Variants in MIER2 observed in about 807,000 individuals in gnomAD.
The protein encoded by MIER2 is mesoderm induction early response protein 2.
Under a neutral mutation model 67.6 loss-of-function variants are expected in MIER2, and 30 were observed. That is an observed-to-expected ratio of 0.44 (90% CI 0.33 to 0.60). MIER2 has a LOEUF of 0.60. Among genes scored for constraint, MIER2 ranks in the 20% least tolerant of loss-of-function variants. The pLI is 0.02. For missense variants in MIER2, 702 were observed against 745.1 expected, an observed-to-expected ratio of 0.94 and a Z score of 0.67; for synonymous variants, 372 against 312.6, an observed-to-expected ratio of 1.19 and a Z score of -2.00.
intron 7 of MIER2, among the ~76,000 whole-genome samples, chr19:316,417 C>T (rs545505924): frequency 1.1e-4 from 17 of 152,006 alleles, no homozygotes; most frequent in Non-Finnish European, 2.2e-4. Flanking sequence ...CTCAGCCTCC[C>T]GAGTAGCTGG....
intron 10 of MIER2, among the ~76,000 whole-genome samples, chr19:310,700 C>T (rs12104341): frequency 0.026 from 3,701 of 144,828 alleles, 30 homozygotes; most frequent in African/African-American, 0.059. Context: ...TATAGAAACA[C>T]GGCCCGGAGC....
At chr19:321,615 G>T (rs893790348) in intron 7 of MIER2, among the ~76,000 whole-genome samples, 12 of 152,022 alleles carry the variant, frequency 7.9e-5, no homozygotes, top group Admixed American at 7.9e-4. Flanking sequence ...CTGCACTCCA[G>T]CCTGGGCAAC....
chr19:307,241 G>A lies in MIER2; in HGVS notation c.1494C>T (p.Ala498=). The change falls in exon 13 of 14, where the codon GCC becomes GCT. Residue 498 remains alanine, a synonymous_variant. Coordinates refer to ENST00000264819, the MANE Select transcript of MIER2 (RefSeq NM_017550.3). Reference sequence around the variant, plus strand: ...TGACCGACAAAGCCACCTGTGCTGGGGCCACAGTCTCCTCCGGATCCCCGC... The same window carrying A: ...TGACCGACAAAGCCACCTGTGCTGGAGCCACAGTCTCCTCCGGATCCCCGC... ...DLSGDPEETV[A]PAQVALSVTE... is the part of the protein sequence containing the mutation. 6.3e-7 allele frequency: 1 copy of A among 1,593,900 alleles called. No homozygotes were observed. The highest frequency in any genetic ancestry group is 8.5e-7 in the Non-Finnish European group (1 of 1,170,582).
intron 4 of MIER2, 65 bp from the exon 5 acceptor site, chr19:327,321 G>A (rs1971807743): frequency 2.3e-5 from 35 of 1,529,482 alleles, no homozygotes; most frequent in Middle Eastern, 3.6e-4. Flanking sequence ...TACCACTAAT[G>A]ATAACAACAG....
chr19:340,319 G>C (rs1031529561), intron 1 of MIER2, among the ~76,000 whole-genome samples: 2 of 152,142 alleles, frequency 1.3e-5, no homozygotes, highest in Admixed American at 6.5e-5. Flanking sequence ...CTCCACACAG[G>C]TGAAAACCCA....
rs368893378 is a variant in MIER2, at chr19:317,475, T to C, written c.656-3832A>G. Among the ~76,000 whole-genome samples, 1,188 of 151,320 alleles carry C rather than the reference T, an allele frequency of 7.9e-3. 6 individuals carry two copies. Among genetic ancestry groups the C allele is most frequent in the South Asian group, 0.019 (90 of 4,788 alleles). On this transcript the variant is annotated intron_variant, in intron 7 of 13. Coordinates refer to ENST00000264819, the MANE Select transcript of MIER2 (RefSeq NM_017550.3). ...CCGGGAGGCGGAGCTTGCAGTGAGC[T>C]GAGATCGCGCCACTGCACTCCAACC...
chr19:308,606 T>C lies in MIER2; in HGVS notation c.1169A>G (p.Glu390Gly). Reference protein sequence around the residue: ...DPDGPGRPRPEQDTLTGMRTD... With the variant: ...DPDGPGRPRPGQDTLTGMRTD... ...GCGCATCCCAGTCAGGGTGTCTTGC[T>C]CCGGGCGCGGACGGCCGGGGCCATC... Residue 390 changes from glutamate (E) to glycine (G), a missense_variant, in exon 12 of 14, where the codon GAG becomes GGG. Around this residue, in one of 3 missense-constraint regions of MIER2, gnomAD observed 254 missense variants for 262.8 expected, o/e 0.97. Coordinates refer to ENST00000264819, the MANE Select transcript of MIER2 (RefSeq NM_017550.3). This position sits in a 1 kb window ranked among gnomAD's most constrained non-coding sequence, Gnocchi z 9.1. The C allele has an allele frequency of 6.2e-7, 1 of 1,606,908 alleles. No homozygotes were observed. The highest frequency in any genetic ancestry group is 8.5e-7 in the Non-Finnish European group (1 of 1,177,954).
chr19:332,381 C>T (rs1972067097), intron 3 of MIER2, among the ~76,000 whole-genome samples: 1 of 152,138 alleles, frequency 6.6e-6, no homozygotes, highest in African/African-American at 2.4e-5. Context: ...CGGCTCACTG[C>T]AACCTCCGCC....
intron 3 of MIER2, among the ~76,000 whole-genome samples, chr19:332,487 A>T (rs559411836): frequency 3.0e-4 from 46 of 151,248 alleles, no homozygotes; most frequent in Non-Finnish European, 8.8e-5. Context: ...TTTTTAGTAG[A>T]GACGGGGTTT....
chr19:337,811 G>C (rs1421470612), intron 1 of MIER2, among the ~76,000 whole-genome samples: 5 of 144,832 alleles, frequency 3.5e-5, no homozygotes, highest in African/African-American at 1.3e-4. Flanking sequence ...GGAGGCTGCA[G>C]TGAGCCGAGA....
At position 327,105 on chromosome 19, in the gene MIER2, G is replaced by A. The variant is rs375682684; in HGVS notation, c.493+28C>T. 5.1e-4 allele frequency: 799 copies of A among 1,561,168 alleles called. 9 individuals carry two copies. Among genetic ancestry groups the A allele is most frequent in the South Asian group, 4.2e-3 (348 of 83,808 alleles). ...ACTGCCTGGCAGGGGGCCTGGCTGCGGTGGAGTATGGGGACAGAGTCACCT... is the reference window on the plus strand; with the variant it reads ...ACTGCCTGGCAGGGGGCCTGGCTGCAGTGGAGTATGGGGACAGAGTCACCT... On this transcript the variant is annotated intron_variant, in intron 5 of 13. Coordinates refer to ENST00000264819, the MANE Select transcript of MIER2 (RefSeq NM_017550.3).
intron 1 of MIER2, chr19:344,554 T>A (rs913219416): frequency 1.1e-5 from 3 of 265,944 alleles, no homozygotes; most frequent in Non-Finnish European, 1.6e-5. Context: ...CAGCCCGCGA[T>A]GTGGCAGCCG....
rs182987222 is a variant in MIER2 at position 335,047 on chromosome 19, T to C, written c.101-505A>G. The stretch of plus-strand genomic sequence containing the variant: ...CTTAAGCTCCGTCTGCAGGGCCACA[T>C]GAAGAAGACATGCGATGTACATGGC... On this transcript the variant is annotated intron_variant, in intron 2 of 13. Transcript: ENST00000264819. Among the ~76,000 whole-genome samples, 311 of 152,298 alleles carry C rather than the reference T, an allele frequency of 2.0e-3. 3 individuals are homozygous for C. Among genetic ancestry groups the C allele is most frequent in the South Asian group, 5.0e-3 (24 of 4,828 alleles).
intron 1 of MIER2, chr19:340,558 A>C (rs997844708): frequency 6.5e-6 from 1 of 152,766 alleles, no homozygotes; most frequent in African/African-American, 2.4e-5. Flanking sequence ...CTTCGTCCTC[A>C]TCATCTTCAC....
intron 7 of MIER2, among the ~76,000 whole-genome samples, chr19:320,711 G>T (rs985418485): frequency 6.6e-6 from 1 of 152,132 alleles, no homozygotes; most frequent in African/African-American, 2.4e-5. Flanking sequence ...GAGGTGGAAC[G>T]GTTTCCTCCT....
chr19:310,911 G>A (rs1371783660), intron 10 of MIER2, among the ~76,000 whole-genome samples: 3 of 152,224 alleles, frequency 2.0e-5, no homozygotes, highest in Non-Finnish European at 1.5e-5. Flanking sequence ...TAGCCTGGGA[G>A]CACCACACTC....
At chr19:332,405 C>T (rs538020036) in intron 3 of MIER2, among the ~76,000 whole-genome samples, 4 of 151,112 alleles carry the variant, frequency 2.6e-5, no homozygotes, top group African/African-American at 7.3e-5. Flanking sequence ...TGGGTTCAAG[C>T]GATTCTCCTG....
Position 306,560 on chromosome 19 carries a change from G to A in MIER2, c.*130C>T. On this transcript the variant is annotated 3_prime_UTR_variant, in exon 14 of 14. Coordinates refer to ENST00000264819, the MANE Select transcript of MIER2 (RefSeq NM_017550.3). ...AGCCACCTCACCCCAGTCCTGACGT[G>A]TTCTGAAGCAGAAGGAGGTGCTACC... The A allele has an allele frequency of 8.0e-7, 1 of 1,256,470 alleles. No homozygotes were observed. 77.8% of individuals were successfully genotyped at this position (1,256,470 alleles called of 1,614,324 possible).
In MIER2 at chr19:332,389, G is replaced by A. The variant is rs186472252; in HGVS notation, c.243+2011C>T. ...CTGATCTCGGCTCACTGCAACCTCCGCCTCCTGGGTTCAAGCGATTCTCCT... is the reference window on the plus strand; with the variant it reads ...CTGATCTCGGCTCACTGCAACCTCCACCTCCTGGGTTCAAGCGATTCTCCT... On this transcript the variant is annotated intron_variant, in intron 3 of 13. Transcript: ENST00000264819. 5.3e-5 allele frequency among the ~76,000 whole-genome samples: 8 copies of A among 151,988 alleles called. No individual in the cohort carries two copies. The East Asian group carries it at 1.4e-3, about 26-fold the overall frequency.
Sources: allele counts gnomAD v4.1 joint callset (sites outside exome capture counted in the v4.1 genomes callset), GRCh38; gene constraint gnomAD v4.1.1; regional missense constraint gnomAD v4.1.1; non-coding constraint Gnocchi (gnomAD v3.1); transcripts MANE v1.5; gene names NCBI Gene and HGNC (gene_info 2026-07-23, HGNC 2026-07-21).